Variants in PARD3B observed in about 807,000 individuals in gnomAD.
PARD3B encodes partitioning defective 3 homolog B.
A neutral mutation model predicts 130.2 loss-of-function variants in PARD3B; 103 were observed. The ratio of observed to expected loss-of-function variants is 0.79; its 90% CI spans 0.67 to 0.93. The LOEUF is 0.93. Among genes scored for constraint, PARD3B ranks in the 40% least tolerant of loss-of-function variants. The probability of loss-of-function intolerance (pLI) is 0.00; values close to 1 mark genes in which losing one functional copy is unlikely to be tolerated. For synonymous variants in PARD3B, 583 were observed against 553.2 expected (o/e 1.05, Z -0.76); for missense variants, 1,609 against 1,499.2 (o/e 1.07, Z -1.21).
chr2:205,252,273 T>G (rs184675154), intron 16 of PARD3B, among the ~76,000 whole-genome samples: 1 of 152,292 alleles, frequency 6.6e-6, no homozygotes, highest in African/African-American at 2.4e-5. Context: ...GTTTATTAAA[T>G]GCCCACTCTA....
At chr2:204,946,601 C>T (rs1241924942) in intron 2 of PARD3B, among the ~76,000 whole-genome samples, 2 of 152,166 alleles carry the variant, frequency 1.3e-5, no homozygotes, top group East Asian at 3.9e-4. Flanking sequence ...TTGCCAGTTG[C>T]TTGACCTCTG....
Position 204,606,788 on chromosome 2 carries a change from T to G in PARD3B, c.120+60669T>G, listed in dbSNP as rs535410780. On this transcript the variant is annotated intron_variant, in intron 1 of 22. Transcript: ENST00000406610. The surrounding 1 kb of genome is among the most constrained non-coding windows in gnomAD (Gnocchi z 4.0). Reference sequence around the variant, plus strand: ...TAATGGAATTCAATTCAGTTAAGACTACTGAGAGTCCTTTATATCTCGTTT... The same window carrying G: ...TAATGGAATTCAATTCAGTTAAGACGACTGAGAGTCCTTTATATCTCGTTT... Among the ~76,000 whole-genome samples, 403 of 152,286 alleles carry G rather than the reference T, an allele frequency of 2.6e-3. No homozygotes were observed. Among genetic ancestry groups the G allele is most frequent in the Non-Finnish European group, 5.0e-3 (341 of 68,014 alleles).
intron 1 of PARD3B, among the ~76,000 whole-genome samples, chr2:204,654,394 C>T (rs1313904934): frequency 8.6e-5 from 13 of 150,684 alleles, no homozygotes; most frequent in Admixed American, 6.6e-4. Context: ...CTTCTATTCC[C>T]GTGTATTCCT....
intron 20 of PARD3B, among the ~76,000 whole-genome samples, chr2:205,445,540 C>T (rs975744591): frequency 1.2e-4 from 19 of 152,056 alleles, no homozygotes; most frequent in Admixed American, 2.6e-4. Flanking sequence ...CACTTCTAAA[C>T]GGCCGGATCT....
At chr2:205,378,427 G>A (rs769795720) in intron 18 of PARD3B, among the ~76,000 whole-genome samples, 6 of 152,098 alleles carry the variant, frequency 3.9e-5, no homozygotes, top group Non-Finnish European at 7.4e-5. Flanking sequence ...AAAGAAGAAA[G>A]TTTCAAGTAA....
intron 4 of PARD3B, among the ~76,000 whole-genome samples, chr2:205,052,868 A>T (rs1442809705): frequency 6.6e-6 from 1 of 152,198 alleles, no homozygotes; most frequent in African/African-American, 2.4e-5. Context: ...CTCTTTAGTC[A>T]GTATCAACAC....
In PARD3B at chr2:204,545,918, G is replaced by C; in HGVS notation, c.-82G>C. ...CCGGGTCTCTGGGCCCACCCGCCCC[G>C]GGCGTCCTCCGAGAGTGGGGGCTGC... On this transcript the variant is annotated 5_prime_UTR_variant, in exon 1 of 23. Transcript: ENST00000406610. 7.1e-7 allele frequency: 1 copy of C among 1,406,068 alleles called. No homozygotes were observed. 87.1% of individuals were successfully genotyped at this position (1,406,068 alleles called of 1,614,324 possible).
intron 3 of PARD3B, among the ~76,000 whole-genome samples, chr2:204,995,122 T>G (rs1694045678): frequency 6.6e-6 from 1 of 152,084 alleles, no homozygotes; most frequent in Non-Finnish European, 1.5e-5. Flanking sequence ...ATCCTGTCAT[T>G]ATGATGTTAG....
At chr2:205,416,689 C>G (rs1230802302) in intron 19 of PARD3B, among the ~76,000 whole-genome samples, 1 of 151,922 alleles carries the variant, frequency 6.6e-6, no homozygotes, top group African/African-American at 2.4e-5. Context: ...TAAACTATGC[C>G]CCTTTATGGA....
At chr2:205,505,155 C>T (rs1282641701) in intron 21 of PARD3B, among the ~76,000 whole-genome samples, 1 of 151,922 alleles carries the variant, frequency 6.6e-6, no homozygotes, top group Non-Finnish European at 1.5e-5. Flanking sequence ...AAACCAAACA[C>T]CGCATGTTCT....
At chr2:205,604,823 G>A (rs985240836) in intron 22 of PARD3B, among the ~76,000 whole-genome samples, 1 of 152,030 alleles carries the variant, frequency 6.6e-6, no homozygotes, top group Non-Finnish European at 1.5e-5. Flanking sequence ...TTCTGTTTTC[G>A]CTGTCTCTTT....
chr2:205,070,273 C>T (rs369538654), intron 4 of PARD3B, among the ~76,000 whole-genome samples: 4 of 152,060 alleles, frequency 2.6e-5, no homozygotes, highest in Admixed American at 6.6e-5. Flanking sequence ...ATAACACTAT[C>T]GTGCCCCATG....
At chr2:204,816,616 C>G (rs1040274883) in intron 2 of PARD3B, among the ~76,000 whole-genome samples, 1 of 151,814 alleles carries the variant, frequency 6.6e-6, no homozygotes, top group African/African-American at 2.4e-5. Flanking sequence ...TGCTGCCATT[C>G]TTACCTTTGT....
chr2:205,169,498 A>T (rs1263465809), intron 11 of PARD3B, among the ~76,000 whole-genome samples: 1 of 152,166 alleles, frequency 6.6e-6, no homozygotes, highest in Non-Finnish European at 1.5e-5. Context: ...TCTGTTATCT[A>T]CCTCTTCACT....
intron 21 of PARD3B, among the ~76,000 whole-genome samples, chr2:205,506,179 A>C (rs1164188092): frequency 6.6e-6 from 1 of 152,118 alleles, no homozygotes; most frequent in Non-Finnish European, 1.5e-5. Context: ...CTAAAAATAC[A>C]AAAATTAGCT....
At chr2:205,059,885 G>A (rs1162015544) in intron 4 of PARD3B, among the ~76,000 whole-genome samples, 1 of 152,020 alleles carries the variant, frequency 6.6e-6, no homozygotes, top group Admixed American at 6.6e-5. Flanking sequence ...TCAATTCCAA[G>A]TTCATGTCAG....
At chr2:205,402,652 G>T (rs1166800116) in intron 19 of PARD3B, among the ~76,000 whole-genome samples, 3 of 152,186 alleles carry the variant, frequency 2.0e-5, no homozygotes, top group Non-Finnish European at 2.9e-5. Flanking sequence ...TTAGTAGGCA[G>T]GTGCCTGAGG....
chr2:205,252,846 C>CA (rs1164250978), intron 16 of PARD3B, among the ~76,000 whole-genome samples: 2 of 138,048 alleles, frequency 1.4e-5, no homozygotes, highest in Non-Finnish European at 3.2e-5. Flanking sequence ...GGACCCCCCC[C>CA]CCCCACCAAA....
chr2:204,854,474 G>A (rs768598619), intron 2 of PARD3B, among the ~76,000 whole-genome samples: 1 of 152,136 alleles, frequency 6.6e-6, no homozygotes, highest in Non-Finnish European at 1.5e-5. Context: ...GAAAGGTAAT[G>A]ATAACGAAGC....
Sources: gnomAD v4.1 joint callset for allele counts (sites outside exome capture counted in the v4.1 genomes callset) on GRCh38, gnomAD v4.1.1 for gene constraint, Gnocchi (gnomAD v3.1) non-coding constraint, MANE v1.5 for transcripts, NCBI Gene and HGNC (gene_info 2026-07-23, HGNC 2026-07-21) for gene names.